FAM174B: variants seen among roughly 807,000 people sequenced by gnomAD.
FAM174B encodes family with sequence similarity 174 member B.
FAM174B carries 12 observed loss-of-function variants against 10.9 expected under a neutral mutation model. The observed-to-expected ratio is 1.10, with a 90% CI of 0.71 to 1.79. The LOEUF is 1.79. Ranked by LOEUF, FAM174B falls within the 40% of genes most tolerant of loss-of-function variation. The probability of loss-of-function intolerance (pLI) is 0.00; values close to 1 mark genes in which losing one functional copy is unlikely to be tolerated. For missense variants in FAM174B, 266 were observed against 233.3 expected (o/e 1.14, Z -0.91); for synonymous variants, 132 against 115.8 (o/e 1.14, Z -0.90).
Position 92,641,760 on chromosome 15 carries a change from C to A in FAM174B, c.345-11415G>T, listed in dbSNP as rs577168807. 2.6e-5 allele frequency among the ~76,000 whole-genome samples: 4 copies of A among 151,894 alleles called. No individual in the cohort carries two copies. In the East Asian group the frequency reaches 5.8e-4, roughly 22 times the overall value. On this transcript the variant is annotated intron_variant, in intron 1 of 2. Coordinates refer to ENST00000327355, the MANE Select transcript of FAM174B (RefSeq NM_207446.3). ...TTTGCGACACTAGATTAGACAATGG[C>A]TTATTAAATATGACACCAGAAGCAA...
At chr15:92,635,169 C>CCA (rs58350171) in intron 1 of FAM174B, among the ~76,000 whole-genome samples, 172 of 10,772 alleles carry the variant, frequency 0.016, no homozygotes, top group African/African-American at 0.025. Flanking sequence ...CCACACACAC[C>CCA]CACACACACA....
In FAM174B at chr15:92,619,607, G is replaced by A. The variant is rs575689137; in HGVS notation, c.477-148C>T. ...ACAGGACCTTTGAGCGTGCTGTCTG[G>A]AAGGCGCAATCCACTCTTCCAGCAA... is the stretch of plus-strand genomic sequence containing the variant. On this transcript the variant is annotated intron_variant, in intron 2 of 2. Transcript: ENST00000327355. 1.2e-4 allele frequency: 99 copies of A among 858,800 alleles called. 1 individual carries two copies. The South Asian group carries it at 1.7e-3, about 14-fold the overall frequency. 53.2% of individuals were successfully genotyped at this position (858,800 alleles called of 1,614,324 possible). A position where few individuals can be genotyped will look rare whatever the true frequency, so the allele number is the denominator to read the frequency against.
intron 1 of FAM174B, among the ~76,000 whole-genome samples, chr15:92,631,475 T>C (rs2050817287): frequency 2.1e-4 from 1 of 4,676 alleles, no homozygotes; most frequent in South Asian, 0.026. Flanking sequence ...ATATAATTTA[T>C]AATATATTAT....
intron 1 of FAM174B, chr15:92,645,742 G>A (rs1173879176): frequency 2.0e-5 from 3 of 152,390 alleles, no homozygotes; most frequent in African/African-American, 4.8e-5. Context: ...GTGGACCCAG[G>A]GGACCTGACC....
At chr15:92,635,536 G>A (rs1186594469) in intron 1 of FAM174B, among the ~76,000 whole-genome samples, 1 of 151,912 alleles carries the variant, frequency 6.6e-6, no homozygotes, top group African/African-American at 2.4e-5. Context: ...GCAGGGACAG[G>A]GAAGTGGGAT....
chr15:92,630,860 A>G (rs1283836345), intron 1 of FAM174B, among the ~76,000 whole-genome samples: 120 of 56,194 alleles, frequency 2.1e-3, no homozygotes, highest in Middle Eastern at 0.031. Context: ...TACATGTTAC[A>G]TATTACATAT....
chr15:92,638,517 C>T (rs904626389), intron 1 of FAM174B, among the ~76,000 whole-genome samples: 1 of 152,178 alleles, frequency 6.6e-6, no homozygotes, highest in African/African-American at 2.4e-5. Context: ...TAAAACAGGA[C>T]TAAACCCTTT....
intron 2 of FAM174B, among the ~76,000 whole-genome samples, chr15:92,626,906 G>T (rs1169521183): frequency 6.6e-6 from 1 of 152,064 alleles, no homozygotes; most frequent in Non-Finnish European, 1.5e-5. Context: ...CAAAAAATGA[G>T]CTGGGCATGG....
In FAM174B at chr15:92,617,680, C is replaced by T. The variant is rs574814870; in HGVS notation, c.*1776G>A. 7.2e-4 allele frequency: 493 copies of T among 680,108 alleles called. 11 individuals are homozygous for T. The highest frequency in any genetic ancestry group is 4.6e-3 in the South Asian group (296 of 64,620). 42.1% of individuals were successfully genotyped at this position (680,108 alleles called of 1,614,324 possible). On this transcript the variant is annotated 3_prime_UTR_variant, in exon 3 of 3. Transcript: ENST00000327355. ...AGTTCCAGTTCAAAGGTTGAGGGGG[C>T]GAACAGCTGCGAGGTGGCCAGGCTC...
intron 1 of FAM174B, among the ~76,000 whole-genome samples, chr15:92,630,888 GTATTACA>G (rs1426244835): frequency 2.7e-5 from 1 of 37,324 alleles, no homozygotes; most frequent in African/African-American, 5.9e-5. Context: ...TATATATTAC[GTATTACA>G]TATTACATAT....
chr15:92,632,175 A>G (rs2050823710), intron 1 of FAM174B, among the ~76,000 whole-genome samples: 1 of 152,256 alleles, frequency 6.6e-6, no homozygotes, highest in Admixed American at 6.5e-5. Context: ...TGTTTCCATC[A>G]TGAGGATTCA....
At chr15:92,648,148 G>A (rs2050940800) in intron 1 of FAM174B, among the ~76,000 whole-genome samples, 1 of 152,158 alleles carries the variant, frequency 6.6e-6, no homozygotes, top group Admixed American at 6.5e-5. Context: ...GTCTTTGCCT[G>A]TAACTTCTAT....
chr15:92,630,828 A>ACG (rs1480371101), intron 1 of FAM174B, among the ~76,000 whole-genome samples: 4 of 27,372 alleles, frequency 1.5e-4, no homozygotes, highest in Non-Finnish European at 2.6e-4. Context: ...ATTACATATT[A>ACG]TATATTATAT....
intron 2 of FAM174B, among the ~76,000 whole-genome samples, chr15:92,621,627 G>A (rs1008816650): frequency 6.7e-6 from 1 of 149,832 alleles, no homozygotes; most frequent in Admixed American, 6.7e-5. Context: ...AAAAAAAATT[G>A]AGTATCTTCA....
At chr15:92,630,551 T>C (rs569543417) in intron 1 of FAM174B, among the ~76,000 whole-genome samples, 5 of 151,806 alleles carry the variant, frequency 3.3e-5, no homozygotes, top group South Asian at 2.1e-4. Context: ...GGAGATTCGG[T>C]TAACACCCTG....
intron 2 of FAM174B, among the ~76,000 whole-genome samples, chr15:92,621,608 CAA>C (rs34071146): frequency 5.8e-4 from 76 of 131,852 alleles, no homozygotes; most frequent in African/African-American, 8.6e-4. Context: ...AAGATCGTCT[CAA>C]AAAAAAAAAA....
chr15:92,619,614 CA>C (rs2050705631), intron 2 of FAM174B, 155 bp from the exon 3 acceptor site: 1 of 789,774 alleles, frequency 1.3e-6, no homozygotes, highest in Non-Finnish European at 2.0e-6. Flanking sequence ...CTGGAAGGCG[CA>C]ATCCACTCTT....
chr15:92,626,443 T>G (rs1414975565), intron 2 of FAM174B, among the ~76,000 whole-genome samples: 1 of 152,148 alleles, frequency 6.6e-6, no homozygotes, highest in East Asian at 1.9e-4. Context: ...TAAAAATAAC[T>G]GCAATAAACA....
intron 1 of FAM174B, among the ~76,000 whole-genome samples, chr15:92,649,451 G>C (rs1036490255): frequency 6.6e-6 from 1 of 152,188 alleles, no homozygotes; most frequent in Non-Finnish European, 1.5e-5. Context: ...CTCATTTATG[G>C]ACAGAAGCAA....
Sources: allele counts gnomAD v4.1 joint callset (sites outside exome capture counted in the v4.1 genomes callset), GRCh38; gene constraint gnomAD v4.1.1; transcripts MANE v1.5; gene names NCBI Gene and HGNC (gene_info 2026-07-23, HGNC 2026-07-21).